Variants in DENND1A observed in about 807,000 individuals in gnomAD.
DENND1A encodes DENN domain-containing protein 1A.
A neutral mutation model predicts 113.7 loss-of-function variants in DENND1A; 51 were observed. That is an observed-to-expected ratio of 0.45 (90% CI 0.36 to 0.57). DENND1A has a LOEUF of 0.57. DENND1A is among the 20% of genes least tolerant of loss of function. DENND1A has a pLI of 0.00. For missense variants in DENND1A, 1,258 were observed against 1,395.9 expected (o/e 0.90, Z 1.57); for synonymous variants, 565 against 570.8 (o/e 0.99, Z 0.14).
At chr9:123,385,839 A>C (rs546822179) in intron 22 of DENND1A, among the ~76,000 whole-genome samples, 1 of 152,346 alleles carries the variant, frequency 6.6e-6, no homozygotes, top group East Asian at 1.9e-4. Flanking sequence ...ACCCTGACCA[A>C]GGAATTAGAG....
At chr9:123,555,789 T>G (rs1026667031) in intron 13 of DENND1A, among the ~76,000 whole-genome samples, 1 of 152,078 alleles carries the variant, frequency 6.6e-6, no homozygotes. Flanking sequence ...AACGATAAAC[T>G]CCTCCCGTGG....
intron 9 of DENND1A, among the ~76,000 whole-genome samples, chr9:123,638,939 A>G (rs2138960706): frequency 6.6e-6 from 1 of 151,838 alleles, no homozygotes; most frequent in African/African-American, 2.4e-5. Flanking sequence ...AAAAGAAAGC[A>G]TAACTGAACA....
At chr9:123,753,615 T>A (rs967367106) in intron 5 of DENND1A, among the ~76,000 whole-genome samples, 3 of 152,244 alleles carry the variant, frequency 2.0e-5, no homozygotes, top group Non-Finnish European at 4.4e-5. Context: ...AAGTCTTTGG[T>A]GCCCTGCCCT....
intron 5 of DENND1A, among the ~76,000 whole-genome samples, chr9:123,689,825 G>A (rs2065049531): frequency 6.6e-6 from 1 of 151,786 alleles, no homozygotes; most frequent in Admixed American, 6.6e-5. Flanking sequence ...ACAAAAGTTA[G>A]CTGGGTGTGG....
chr9:123,851,662 G>A (rs942015344), intron 2 of DENND1A, among the ~76,000 whole-genome samples: 3 of 152,118 alleles, frequency 2.0e-5, no homozygotes, highest in African/African-American at 7.2e-5. Flanking sequence ...AGAAAAGGCG[G>A]GCTTATCTCA....
At position 123,440,055 on chromosome 9, in the gene DENND1A, C is replaced by T. The variant is rs74427729; in HGVS notation, c.1488+305G>A. The T allele has an allele frequency of 2.8e-3, 593 of 215,382 alleles. 6 individuals carry two copies. Among genetic ancestry groups the T allele is most frequent in the African/African-American group, 0.013 (570 of 42,838 alleles). 13.3% of individuals were successfully genotyped at this position (215,382 alleles called of 1,614,324 possible). Reference sequence around the variant, plus strand: ...GATGCTAAAGTGTTCTAATGAGATGCTTAGCTAACAGAGGCACCTTAAGCA... The same window carrying T: ...GATGCTAAAGTGTTCTAATGAGATGTTTAGCTAACAGAGGCACCTTAAGCA... On this transcript the variant is annotated intron_variant, in intron 19 of 23. Coordinates refer to ENST00000394215, the MANE Select transcript of DENND1A (RefSeq NM_001352964.2).
chr9:123,772,460 T>C (rs1316723421), intron 3 of DENND1A, among the ~76,000 whole-genome samples: 1 of 152,180 alleles, frequency 6.6e-6, no homozygotes, highest in Non-Finnish European at 1.5e-5. Flanking sequence ...ACTTTCTTTG[T>C]AGAAGGTAAT....
chr9:123,820,993 A>T (rs1372095110), intron 2 of DENND1A, among the ~76,000 whole-genome samples: 1 of 152,250 alleles, frequency 6.6e-6, no homozygotes, highest in African/African-American at 2.4e-5. Context: ...CATTGAAAAA[A>T]TATTTTAGAA....
chr9:123,863,680 G>C (rs147941150), intron 2 of DENND1A, among the ~76,000 whole-genome samples: 1 of 151,660 alleles, frequency 6.6e-6, no homozygotes, highest in Non-Finnish European at 1.5e-5. Context: ...TGCTGCCTTC[G>C]CAAACTGTTG....
chr9:123,657,203 C>T (rs902857126), intron 8 of DENND1A, among the ~76,000 whole-genome samples: 2 of 152,176 alleles, frequency 1.3e-5, no homozygotes, highest in Non-Finnish European at 1.5e-5. Context: ...AGGTCAAGTG[C>T]GAACCCCCTG....
chr9:123,760,003 AAATAAAGGTATTTTTGGTT>A (rs1266915056), intron 4 of DENND1A, among the ~76,000 whole-genome samples: 2 of 152,232 alleles, frequency 1.3e-5, no homozygotes, highest in Admixed American at 6.5e-5. Context: ...CTGAAGATTA[AAATAAAGGTATTTTTGGTT>A]AAAAAATCCA....
At chr9:123,811,578 T>A (rs773443704) in intron 2 of DENND1A, among the ~76,000 whole-genome samples, 1 of 152,054 alleles carries the variant, frequency 6.6e-6, no homozygotes, top group Non-Finnish European at 1.5e-5. Flanking sequence ...GCTAACATGG[T>A]GAAACCCCGT....
intron 13 of DENND1A, among the ~76,000 whole-genome samples, chr9:123,499,684 TCTC>T (rs2052293298): frequency 6.6e-6 from 1 of 152,168 alleles, no homozygotes; most frequent in African/African-American, 2.4e-5. Context: ...ACCACCATCT[TCTC>T]CTGCTTACGG....
At chr9:123,439,515 T>C (rs989260236) in intron 19 of DENND1A, among the ~76,000 whole-genome samples, 1 of 152,174 alleles carries the variant, frequency 6.6e-6, no homozygotes, top group African/African-American at 2.4e-5. Flanking sequence ...TGTGGTGAAA[T>C]AGCAATCACA....
chr9:123,777,366 C>G (rs1368071320), intron 3 of DENND1A, among the ~76,000 whole-genome samples: 1 of 152,214 alleles, frequency 6.6e-6, no homozygotes, highest in Non-Finnish European at 1.5e-5. Context: ...AACTTGAAAT[C>G]AAGGCCTTCT....
intron 20 of DENND1A, among the ~76,000 whole-genome samples, chr9:123,408,990 T>C (rs924339442): frequency 6.6e-6 from 1 of 152,158 alleles, no homozygotes. Flanking sequence ...GGAGGCTGTT[T>C]GGTAGAAAAC....
At chr9:123,444,612 C>T (rs1213666395) in intron 18 of DENND1A, among the ~76,000 whole-genome samples, 1 of 152,088 alleles carries the variant, frequency 6.6e-6, no homozygotes, top group Admixed American at 6.6e-5. Flanking sequence ...CGAGACTGCG[C>T]CAGGCAACAG....
chr9:123,812,802 C>T (rs529212123), intron 2 of DENND1A, among the ~76,000 whole-genome samples: 20 of 151,982 alleles, frequency 1.3e-4, no homozygotes, highest in Admixed American at 1.0e-3. Context: ...CTTTCGAGTA[C>T]CTTATGTATT....
intron 1 of DENND1A, among the ~76,000 whole-genome samples, chr9:123,889,519 G>C (rs1849595055): frequency 6.6e-6 from 1 of 151,996 alleles, no homozygotes; most frequent in Admixed American, 6.6e-5. Context: ...AGAAAATAGG[G>C]AACTATCCGA....
Sources: allele counts gnomAD v4.1 joint callset (sites outside exome capture counted in the v4.1 genomes callset), GRCh38; gene constraint gnomAD v4.1.1; transcripts MANE v1.5; gene names NCBI Gene and HGNC (gene_info 2026-07-23, HGNC 2026-07-21).